The following KLHL8 variants were observed in gnomAD, a reference collection of about 807,000 sequenced individuals.
KLHL8 encodes the protein kelch-like protein 8.
A neutral mutation model predicts 63.5 loss-of-function variants in KLHL8; 38 were observed. The observed-to-expected ratio is 0.60, with a 90% CI of 0.46 to 0.78. The LOEUF (loss-of-function observed/expected upper bound fraction) is 0.78, where lower values mean the gene tolerates loss of function less well. Ranked by LOEUF, KLHL8 falls within the 30% of genes least tolerant of loss-of-function variation. KLHL8 has a pLI of 0.00. For missense variants in KLHL8, 566 were observed against 752.4 expected, an observed-to-expected ratio of 0.75 and a Z score of 2.90; for synonymous variants, 224 against 254.3, an observed-to-expected ratio of 0.88 and a Z score of 1.13.
At position 87,178,419 on chromosome 4, in the gene KLHL8, G is replaced by A. The variant is rs544358884; in HGVS notation, c.1096+58C>T. The A allele has an allele frequency of 2.4e-5, 36 of 1,471,864 alleles. No homozygotes were observed. The East Asian group carries it at 8.8e-4, about 36-fold the overall frequency. The allele number at this position is 1,471,864 out of a possible 1,614,324, so 91.2% of individuals were successfully genotyped here. A position where few individuals can be genotyped will look rare whatever the true frequency, so the allele number is the denominator to read the frequency against. On this transcript the variant is annotated intron_variant, in intron 5 of 9. Transcript: ENST00000273963. Reference sequence around the variant, plus strand: ...TATATAAAAATAAATTCTCAGAGTTGAAATATTTTAAAAAGAGCATTGTGA... The same window carrying A: ...TATATAAAAATAAATTCTCAGAGTTAAAATATTTTAAAAAGAGCATTGTGA...
chr4:87,175,469 G>A (rs1377891631), intron 6 of KLHL8, among the ~76,000 whole-genome samples: 7 of 151,938 alleles, frequency 4.6e-5, no homozygotes, highest in Admixed American at 6.6e-5. Context: ...TGTTGTACTC[G>A]TGGGATTGAG....
intron 2 of KLHL8, among the ~76,000 whole-genome samples, chr4:87,194,881 C>A (rs1047735352): frequency 6.6e-6 from 1 of 152,146 alleles, no homozygotes. Context: ...GATTAAATTA[C>A]TGGAATAGAG....
intron 8 of KLHL8, among the ~76,000 whole-genome samples, chr4:87,165,900 G>A (rs1162359614): frequency 6.6e-6 from 1 of 152,134 alleles, no homozygotes; most frequent in Non-Finnish European, 1.5e-5. Context: ...GAACCTGAAT[G>A]ACCAAGAAGA....
chr4:87,169,595 C>T (rs1730557086), intron 8 of KLHL8, among the ~76,000 whole-genome samples: 1 of 152,164 alleles, frequency 6.6e-6, no homozygotes, highest in Non-Finnish European at 1.5e-5. Context: ...GGCATGATGG[C>T]CCATGCCTGT....
intron 8 of KLHL8, among the ~76,000 whole-genome samples, chr4:87,164,796 G>C (rs1431261617): frequency 6.6e-6 from 1 of 151,958 alleles, no homozygotes; most frequent in African/African-American, 2.4e-5. Flanking sequence ...AGCTTTCTTT[G>C]GTGACAGCCT....
chr4:87,160,336 T>A lies in KLHL8; in HGVS notation c.*3183A>T, dbSNP rs1307827107. 6.6e-6 allele frequency: 1 copy of A among 152,178 alleles called. No homozygotes were observed. Among genetic ancestry groups the A allele is most frequent in the Non-Finnish European group, 1.5e-5 (1 of 68,004 alleles). The allele number at this position is 152,178 out of a possible 1,614,324, so 9.4% of individuals were successfully genotyped here. On this transcript the variant is annotated 3_prime_UTR_variant, in exon 10 of 10. Coordinates refer to ENST00000273963, the MANE Select transcript of KLHL8 (RefSeq NM_020803.5). ...GACATAGCCAATGGCATCCCAGTAA[T>A]AATTTCTTTACACATCTGATACGAG...
chr4:87,169,368 G>A (rs2149829305), intron 8 of KLHL8, among the ~76,000 whole-genome samples: 1 of 152,296 alleles, frequency 6.6e-6, no homozygotes, highest in East Asian at 1.9e-4. Context: ...CCCTTGAAAT[G>A]AGGTTGAGAA....
rs1363818669 is a variant in KLHL8 at position 87,160,412 on chromosome 4, C to T, written c.*3107G>A. The T allele has an allele frequency of 2.6e-5, 4 of 152,108 alleles. No individual in the cohort carries two copies. Among genetic ancestry groups the T allele is most frequent in the African/African-American group, 4.8e-5 (2 of 41,438 alleles). 9.4% of individuals were successfully genotyped at this position (152,108 alleles called of 1,614,324 possible). On this transcript the variant is annotated 3_prime_UTR_variant, in exon 10 of 10. Transcript: ENST00000273963. ...TACAACATGAATTAGATTCTAAAGG[C>T]ATTCTTTAAGACATAGAGAAAAAAG...
At chr4:87,229,824 A>G (rs1733103696) in intron 1 of KLHL8, among the ~76,000 whole-genome samples, 2 of 142,972 alleles carry the variant, frequency 1.4e-5, no homozygotes, top group African/African-American at 2.6e-5. Flanking sequence ...TCCACCTCCC[A>G]GGTTCACGCC....
chr4:87,178,731 G>A, intron 4 of KLHL8, 111 bp from the exon 5 acceptor site: 4 of 1,010,908 alleles, frequency 4.0e-6, no homozygotes, highest in Non-Finnish European at 4.1e-6. Flanking sequence ...TATTTGGATA[G>A]TATTCAATGT....
At chr4:87,207,150 C>T in intron 1 of KLHL8, 1 of 560,800 alleles carries the variant, frequency 1.8e-6, no homozygotes, top group Non-Finnish European at 3.4e-6. Context: ...ACCAGGGTTG[C>T]TTTTAACTCT....
At chr4:87,167,923 A>C (rs1482319937) in intron 8 of KLHL8, among the ~76,000 whole-genome samples, 1 of 152,260 alleles carries the variant, frequency 6.6e-6, no homozygotes, top group Non-Finnish European at 1.5e-5. Flanking sequence ...ATAGCCACAC[A>C]TAGCAAAGAC....
intron 2 of KLHL8, among the ~76,000 whole-genome samples, chr4:87,186,798 TACTA>T (rs1158811651): frequency 6.6e-6 from 1 of 152,176 alleles, no homozygotes; most frequent in African/African-American, 2.4e-5. Context: ...GCTTTTCATA[TACTA>T]ACTCAGTTGT....
intron 1 of KLHL8, chr4:87,219,542 G>T (rs1218442718): frequency 6.6e-6 from 1 of 152,220 alleles, no homozygotes; most frequent in Non-Finnish European, 1.5e-5. Flanking sequence ...TGAAAATACT[G>T]AACGTTTTCT....
chr4:87,179,234 C>T (rs1730954373), intron 4 of KLHL8, among the ~76,000 whole-genome samples: 2 of 152,204 alleles, frequency 1.3e-5, no homozygotes, highest in African/African-American at 2.4e-5. Context: ...ACCTAAACAA[C>T]CTCTTCCTTC....
At position 87,161,846 on chromosome 4, in the gene KLHL8, T is replaced by C. The variant is rs972371452; in HGVS notation, c.*1673A>G. The C allele has an allele frequency of 6.6e-6, 1 of 152,154 alleles. No homozygotes were observed. The highest frequency in any genetic ancestry group is 1.5e-5 in the Non-Finnish European group (1 of 68,028). The allele number at this position is 152,154 out of a possible 1,614,324, so 9.4% of individuals were successfully genotyped here. On this transcript the variant is annotated 3_prime_UTR_variant, in exon 10 of 10. Coordinates refer to ENST00000273963, the MANE Select transcript of KLHL8 (RefSeq NM_020803.5). ...AATGACTTATGAACTTGCCCATAGG[T>C]AGAAAAAAATAGCTTACTGGATTTA...
At chr4:87,236,210 CTTTT>C (rs35028616) in intron 1 of KLHL8, among the ~76,000 whole-genome samples, 2 of 135,824 alleles carry the variant, frequency 1.5e-5, no homozygotes, top group African/African-American at 2.8e-5. Context: ...TTTCCTTTTC[CTTTT>C]TTTTTTTTTT....
At position 87,176,795 on chromosome 4, in the gene KLHL8, AGT is replaced by A. The variant is rs765085456; in HGVS notation, c.1168_1169del (p.Thr390Ter). ...TTGATGCCTTCATCATCCATTTATT[AGT>A]GAGAGGATCAAACATCTCCATACTC... ...LGSMEMFDPLTNKWMMKASMN... is the reference protein window; with the variant it reads ...LGSMEMFDPLXNKWMMKASMN... On this transcript the variant is annotated frameshift_variant, in exon 6 of 10. Transcript: ENST00000273963. LOFTEE classifies it high-confidence loss of function. The A allele has an allele frequency of 6.2e-7, 1 of 1,605,846 alleles. No homozygotes were observed. The highest frequency in any genetic ancestry group is 1.1e-5 in the South Asian group (1 of 90,294).
At chr4:87,170,794 G>A (rs1314931174) in intron 6 of KLHL8, among the ~76,000 whole-genome samples, 179 bp from the exon 7 acceptor site, 1 of 152,152 alleles carries the variant, frequency 6.6e-6, no homozygotes, top group African/African-American at 2.4e-5. Context: ...TTGCCAAACT[G>A]TGCAACTCTA....
Sources: gnomAD v4.1 joint callset for allele counts (sites outside exome capture counted in the v4.1 genomes callset) on GRCh38, gnomAD v4.1.1 for gene constraint, MANE v1.5 for transcripts, NCBI Gene and HGNC (gene_info 2026-07-23, HGNC 2026-07-21) for gene names.